The following RFC1 variants were observed in gnomAD, a reference collection of about 807,000 sequenced individuals.
RFC1 encodes the protein A1 140 kDa subunit.
A neutral mutation model predicts 137.4 loss-of-function variants in RFC1; 37 were observed. That is an observed-to-expected ratio of 0.27 (90% CI 0.21 to 0.35). The LOEUF (loss-of-function observed/expected upper bound fraction) is 0.35, where lower values mean the gene tolerates loss of function less well. Among genes scored for constraint, RFC1 ranks in the 10% least tolerant of loss-of-function variants. RFC1 has a pLI of 1.00. For missense variants in RFC1, 1,205 were observed against 1,358.5 expected (o/e 0.89, Z 1.78); for synonymous variants, 429 against 455.7 (o/e 0.94, Z 0.75).
In RFC1 at chr4:39,366,326, C is replaced by T; in HGVS notation, c.-85G>A. 1 of 1,381,586 alleles carries T rather than the reference C, an allele frequency of 7.2e-7. No homozygotes were observed. The highest frequency in any genetic ancestry group is 9.5e-7 in the Non-Finnish European group (1 of 1,051,856). The allele number at this position is 1,381,586 out of a possible 1,614,324, so 85.6% of individuals were successfully genotyped here. A position where few individuals can be genotyped will look rare whatever the true frequency, so the allele number is the denominator to read the frequency against. ...ATCGAGGCTCAGGATCCATTCGCGC[C>T]AACAACTTCTCCCGCGAAGTGCAAG... On this transcript the variant is annotated 5_prime_UTR_variant, in exon 1 of 25. Coordinates refer to ENST00000349703, the MANE Select transcript of RFC1 (RefSeq NM_002913.5).
rs746621362 is a variant in RFC1 at position 39,342,314 on chromosome 4, C to G, written c.331+31G>C. ...AAAAAACTCAAGAACATAACACACA[C>G]GGCATCTCATATACCACAATGCAAC... On this transcript the variant is annotated intron_variant, in intron 4 of 24. Transcript: ENST00000349703. The G allele has an allele frequency of 6.3e-6, 10 of 1,592,936 alleles. No individual in the cohort carries two copies. In the African/African-American group the frequency reaches 1.2e-4, roughly 19 times the overall value.
At chr4:39,350,261 C>A (rs997298119) in intron 2 of RFC1, among the ~76,000 whole-genome samples, 3 of 151,840 alleles carry the variant, frequency 2.0e-5, no homozygotes, top group Non-Finnish European at 4.4e-5. Context: ...GAGACAATAT[C>A]AAAACTCCAA....
chr4:39,361,345 C>T (rs913386093), intron 1 of RFC1, among the ~76,000 whole-genome samples: 3 of 152,012 alleles, frequency 2.0e-5, no homozygotes, highest in African/African-American at 4.8e-5. Context: ...GCTGAGATCA[C>T]GCCACCACAC....
rs1212716639 is a variant in RFC1 at position 39,297,010 on chromosome 4, T to A, written c.2809-1251A>T. Among the ~76,000 whole-genome samples, 10 of 151,554 alleles carry A rather than the reference T, an allele frequency of 6.6e-5. No homozygotes were observed. In the East Asian group the frequency reaches 1.9e-3, roughly 29 times the overall value. The stretch of plus-strand genomic sequence containing the variant: ...GCATTTCTCTGATGGCCAGTGATGA[T>A]TAGCATTTTTTCATGTGTTTTTTGG... On this transcript the variant is annotated intron_variant, in intron 21 of 24. Transcript: ENST00000349703.
intron 9 of RFC1, among the ~76,000 whole-genome samples, chr4:39,318,522 AT>A (rs1739361838): frequency 6.6e-6 from 1 of 152,228 alleles, no homozygotes; most frequent in Admixed American, 6.5e-5. Flanking sequence ...GACCAACTAA[AT>A]GTATTAAATA....
chr4:39,354,723 G>C (rs147495737), intron 1 of RFC1, among the ~76,000 whole-genome samples: 561 of 122,716 alleles, frequency 4.6e-3, no homozygotes, highest in African/African-American at 0.017. Context: ...TTCAAGTTCA[G>C]CCTGGACAAC....
chr4:39,348,741 T>G (rs1741034977), intron 2 of RFC1, among the ~76,000 whole-genome samples: 2 of 152,056 alleles, frequency 1.3e-5, no homozygotes, highest in African/African-American at 2.4e-5. Flanking sequence ...GAGCTTGGTT[T>G]CAACAGATGA....
In RFC1 at chr4:39,327,616, T is replaced by C. The variant is rs1205077506; in HGVS notation, c.472A>G (p.Ile158Val). 1 of 1,613,836 alleles carries C rather than the reference T, an allele frequency of 6.2e-7. No individual in the cohort carries two copies. Among genetic ancestry groups the C allele is most frequent in the Non-Finnish European group, 8.5e-7 (1 of 1,179,860 alleles). Residue 158 changes from isoleucine to valine, a missense_variant, in exon 5 of 25, where the codon ATA becomes GTA. Coordinates refer to ENST00000349703, the MANE Select transcript of RFC1 (RefSeq NM_002913.5). ...TKTKNKPLSP[I>V]KLTPTSVLDY... ...AGTACTGATGTGGGTGTAAGTTTTA[T>C]TGGTGATAAAGGCTTATTCTTGGTC...
At chr4:39,335,651 G>C (rs17288033) in intron 4 of RFC1, among the ~76,000 whole-genome samples, 11,450 of 152,128 alleles carry the variant, frequency 0.075, 569 homozygotes, top group Non-Finnish European at 0.11. Flanking sequence ...GGAAAGGCCT[G>C]GGCAGTTGGC....
At chr4:39,306,303 A>T (rs548600876) in intron 14 of RFC1, among the ~76,000 whole-genome samples, 1 of 152,336 alleles carries the variant, frequency 6.6e-6, no homozygotes, top group Admixed American at 6.5e-5. Flanking sequence ...CAGAGTCTAG[A>T]ATACATGTTT....
chr4:39,297,016 T>A (rs944291994), intron 21 of RFC1, among the ~76,000 whole-genome samples: 1 of 151,216 alleles, frequency 6.6e-6, no homozygotes, highest in South Asian at 2.1e-4. Flanking sequence ...ATGATTAGCA[T>A]TTTTTCATGT....
chr4:39,296,892 C>G (rs961895540), intron 21 of RFC1, among the ~76,000 whole-genome samples: 2 of 151,254 alleles, frequency 1.3e-5, no homozygotes, highest in Non-Finnish European at 3.0e-5. Context: ...GTTCCTATTT[C>G]TCCACATCCT....
rs1738561617 is a variant in RFC1 at position 39,304,941 on chromosome 4, T to C, written c.1996-13A>G. ...TGTATCCCAACTCCTAATCAAAATA[T>C]TGGAAACCACTGAAGGCACAATACA... On this transcript the variant is annotated splice_polypyrimidine_tract_variant and intron_variant, in intron 14 of 24. Transcript: ENST00000349703. 6.6e-7 allele frequency: 1 copy of C among 1,506,272 alleles called. No homozygotes were observed. The allele number at this position is 1,506,272 out of a possible 1,614,324, so 93.3% of individuals were successfully genotyped here.
intron 1 of RFC1, among the ~76,000 whole-genome samples, chr4:39,363,234 A>G (rs894433150): frequency 7.9e-5 from 12 of 152,200 alleles, no homozygotes; most frequent in African/African-American, 2.9e-4. Context: ...GTGAAATTCA[A>G]ATTGTCTACA....
At chr4:39,298,870 G>A (rs2109597881) in intron 21 of RFC1, among the ~76,000 whole-genome samples, 1 of 152,318 alleles carries the variant, frequency 6.6e-6, no homozygotes, top group East Asian at 1.9e-4. Context: ...TGTAATCCCA[G>A]CACTTTGGAA....
rs757450133 is a variant in RFC1 at position 39,320,367 on chromosome 4, A to C, written c.1095+16T>G. 23 of 1,480,310 alleles carry C rather than the reference A, an allele frequency of 1.6e-5. No individual in the cohort carries two copies. In the South Asian group the frequency reaches 2.8e-4, roughly 18 times the overall value. The allele number at this position is 1,480,310 out of a possible 1,614,324, so 91.7% of individuals were successfully genotyped here. ...TCCATCTCAAAAAAAAAAAAAAAAA[A>C]AAACAAAGTTCTTACCTCTTTTTTA... is the stretch of plus-strand genomic sequence containing the variant. On this transcript the variant is annotated intron_variant, in intron 9 of 24. Transcript: ENST00000349703.
chr4:39,298,062 C>CCCAG (rs1369478031), intron 21 of RFC1, among the ~76,000 whole-genome samples: 3 of 152,076 alleles, frequency 2.0e-5, no homozygotes, highest in African/African-American at 7.2e-5. Flanking sequence ...TGCCAGTAAC[C>CCCAG]CCAGCACTTT....
chr4:39,293,402 T>A (rs1433107140), intron 22 of RFC1, among the ~76,000 whole-genome samples: 1 of 152,204 alleles, frequency 6.6e-6, no homozygotes, highest in African/African-American at 2.4e-5. Context: ...AAAAGTGTTT[T>A]CTTTGTGGAT....
At chr4:39,343,608 C>T (rs1286655624) in intron 3 of RFC1, among the ~76,000 whole-genome samples, 2 of 152,194 alleles carry the variant, frequency 1.3e-5, no homozygotes, top group African/African-American at 4.8e-5. Context: ...AATCCTGTCA[C>T]ACTGTAGTAA....
Sources: allele counts gnomAD v4.1 joint callset (sites outside exome capture counted in the v4.1 genomes callset), GRCh38; gene constraint gnomAD v4.1.1; transcripts MANE v1.5; gene names NCBI Gene and HGNC (gene_info 2026-07-23, HGNC 2026-07-21).